The following TULP2 variants were observed in gnomAD, a reference collection of about 807,000 sequenced individuals.
TULP2 encodes TUB like protein 2, also known as tubby-related protein 2.
Under a neutral mutation model 60.3 loss-of-function variants are expected in TULP2, and 64 were observed. The ratio of observed to expected loss-of-function variants is 1.06; its 90% CI spans 0.87 to 1.31. TULP2 has a LOEUF of 1.31. Among genes scored for constraint, TULP2 ranks in the 50% most tolerant of loss-of-function variants. The pLI, the probability that TULP2 is intolerant of heterozygous loss-of-function variation, is 0.00. For missense variants in TULP2, 652 were observed against 667.0 expected (o/e 0.98, Z 0.25); for synonymous variants, 267 against 265.4 (o/e 1.01, Z -0.06).
intron 8 of TULP2, among the ~76,000 whole-genome samples, chr19:48,886,755 AG>A (rs1247025015): frequency 4.8e-5 from 7 of 147,346 alleles, no homozygotes; most frequent in Non-Finnish European, 5.9e-5. Flanking sequence ...TCAGTGAGGG[AG>A]GGTCCAGACT....
At chr19:48,896,690 C>G in intron 3 of TULP2, 134 bp from the exon 4 acceptor site, 1 of 1,079,876 alleles carries the variant, frequency 9.3e-7, no homozygotes, top group Non-Finnish European at 1.3e-6. Context: ...CCCACACGTC[C>G]AGGCCCTCAG....
At chr19:48,886,866 C>A (rs949646682) in intron 8 of TULP2, among the ~76,000 whole-genome samples, 5 of 151,798 alleles carry the variant, frequency 3.3e-5, no homozygotes, top group Admixed American at 2.0e-4. Flanking sequence ...TGGGCACCAC[C>A]AGGCCTGGCT....
chr19:48,896,294 TC>T (rs2037280413), intron 4 of TULP2, 135 bp downstream of exon 4: 1 of 1,298,892 alleles, frequency 7.7e-7, no homozygotes, highest in Non-Finnish European at 1.0e-6. Context: ...TCTAAAGCTC[TC>T]CTGGGCCAAG....
At position 48,888,101 on chromosome 19, in the gene TULP2, G is replaced by A. The variant is rs752730573; in HGVS notation, c.797C>T (p.Pro266Leu). 4.2e-5 allele frequency: 67 copies of A among 1,614,094 alleles called. No individual in the cohort carries two copies. The highest frequency in any genetic ancestry group is 1.2e-4 in the African/African-American group (9 of 74,930). Residue 266 changes from proline (P) to leucine (L), a missense_variant, in exon 8 of 13, where the codon CCT becomes CTT. Physicochemically the swap from Pro to Leu is moderately conservative, Grantham distance 98. Transcript: ENST00000221399. ...EASLAIRSPC[P>L]GLEEDMEAYV... ...GGCTTCCATGTCCTCCTCCAGCCCAGGGCAGGGGGAGCGGATTGCCAAGGA... is the reference window on the plus strand; with the variant it reads ...GGCTTCCATGTCCTCCTCCAGCCCAAGGCAGGGGGAGCGGATTGCCAAGGA...
intron 9 of TULP2, 69 bp from the exon 10 acceptor site, chr19:48,884,115 G>A (rs2037159267): frequency 2.0e-5 from 25 of 1,250,924 alleles, no homozygotes; most frequent in Non-Finnish European, 2.5e-5. Context: ...GTCACTCATC[G>A]CATCGACTCT....
At chr19:48,891,081 G>T (rs1169007532) in intron 6 of TULP2, among the ~76,000 whole-genome samples, 5 of 151,586 alleles carry the variant, frequency 3.3e-5, no homozygotes, top group Admixed American at 6.6e-5. Context: ...TTGGGAGGCC[G>T]AGGCGGGCGG....
chr19:48,887,366 C>T lies in TULP2; in HGVS notation c.948+584G>A, dbSNP rs1362398939. Reference sequence around the variant, plus strand: ...TTTATGCAGAGTCTAACTCTGTCGCCCAGGCTGGAGTGCAGTAGCGTGATC... The same window carrying T: ...TTTATGCAGAGTCTAACTCTGTCGCTCAGGCTGGAGTGCAGTAGCGTGATC... On this transcript the variant is annotated intron_variant, in intron 8 of 12. Transcript: ENST00000221399. Among the ~76,000 whole-genome samples, 34 of 110,186 alleles carry T rather than the reference C, an allele frequency of 3.1e-4. No individual in the cohort carries two copies. The Admixed American group carries it at 3.6e-3, about 12-fold the overall frequency. The allele number at this position is 110,186 out of a possible 152,430, so 72.3% of individuals were successfully genotyped here. A position where few individuals can be genotyped will look rare whatever the true frequency, so the allele number is the denominator to read the frequency against.
In TULP2 at chr19:48,897,394, A is replaced by C. The variant is rs752560813; in HGVS notation, c.35T>G (p.Ile12Ser). 1 of 1,613,572 alleles carries C rather than the reference A, an allele frequency of 6.2e-7. No individual in the cohort carries two copies. Among genetic ancestry groups the C allele is most frequent in the African/African-American group, 1.3e-5 (1 of 74,904 alleles). ...SQDNDTLMRD[I>S]LGHELAAMRL... ...CATAGCAGCGAGCTCATGCCCCAGG[A>C]TGCTGAGAGAGACACAGGCCCATGG... The change falls in exon 3 of 13, where the codon ATC becomes AGC. Residue 12 changes from isoleucine to serine, a missense_variant and splice_region_variant. Ile to Ser is a moderately radical substitution (Grantham distance 142). Coordinates refer to ENST00000221399, the MANE Select transcript of TULP2 (RefSeq NM_003323.3). The surrounding 1 kb of genome is among the most constrained non-coding windows in gnomAD (Gnocchi z 4.0).
At chr19:48,896,670 TC>T in intron 3 of TULP2, 114 bp from the exon 4 acceptor site, 1 of 1,302,218 alleles carries the variant, frequency 7.7e-7, no homozygotes. Flanking sequence ...AACCCCTTCC[TC>T]CACTGGGGCC....
intron 8 of TULP2, 65 bp downstream of exon 8, chr19:48,887,885 A>T: frequency 6.5e-7 from 1 of 1,540,472 alleles, no homozygotes; most frequent in Non-Finnish European, 8.9e-7. Flanking sequence ...TAGCTCAGAA[A>T]GGAGTGGGAT....
chr19:48,884,132 C>G, intron 9 of TULP2, 86 bp from the exon 10 acceptor site: 1 of 1,081,176 alleles, frequency 9.2e-7, no homozygotes. Flanking sequence ...CTCTTCCCAT[C>G]AATCCCCTAT....
chr19:48,887,930 G>T lies in TULP2; in HGVS notation c.948+20C>A. The T allele has an allele frequency of 1.2e-6, 2 of 1,600,644 alleles. No homozygotes were observed. Among genetic ancestry groups the T allele is most frequent in the Non-Finnish European group, 1.7e-6 (2 of 1,170,078 alleles). On this transcript the variant is annotated intron_variant, in intron 8 of 12. Transcript: ENST00000221399. ...GAGGTGGGGGCTTACTCCCAAAGCT[G>T]TTGGGCTGGCTTACTGCACCTGCAG... is the stretch of plus-strand genomic sequence containing the variant.
In TULP2 at chr19:48,885,535, C is replaced by T. The variant is rs199974267; in HGVS notation, c.974G>A (p.Arg325Lys). The change falls in exon 9 of 13, where the codon AGA becomes AAA. Residue 325 changes from arginine to lysine, a missense_variant. Arg to Lys is a conservative substitution (Grantham distance 26, BLOSUM62 2). Coordinates refer to ENST00000221399, the MANE Select transcript of TULP2 (RefSeq NM_003323.3). ...GTAATTAGAAGTTTTGCTCCTTCTT[C>T]TCTTTCGCCCAGCCAGGAGGAAGCG... ...LQRFLLAGRK[R>K]RRSKTSNYLI... 1.2e-6 allele frequency: 2 copies of T among 1,613,988 alleles called. No homozygotes were observed. Among genetic ancestry groups the T allele is most frequent in the Non-Finnish European group, 1.7e-6 (2 of 1,179,922 alleles).
Position 48,889,619 on chromosome 19 carries a change from T to A in TULP2, c.527A>T (p.Glu176Val), listed in dbSNP as rs989037453. 6 of 1,579,230 alleles carry A rather than the reference T, an allele frequency of 3.8e-6. No individual in the cohort carries two copies. The African/African-American group carries it at 5.4e-5, about 14-fold the overall frequency. Reference sequence around the variant, plus strand: ...CATATCCTGGGAGTCACTCTCACCCTCTGCACGGGTCCCTAATGTGGGGAA... The same window carrying A: ...CATATCCTGGGAGTCACTCTCACCCACTGCACGGGTCCCTAATGTGGGGAA... ...QAHQRPGTRAEGESDSQDMGD... is the reference protein window; with the variant it reads ...QAHQRPGTRAVGESDSQDMGD... Residue 176 changes from glutamate (E) to valine (V), a missense_variant, in exon 7 of 13, where the codon GAG (glutamate) becomes GTG (valine). By Grantham distance (121) the Glu-to-Val change is moderately radical. Coordinates refer to ENST00000221399, the MANE Select transcript of TULP2 (RefSeq NM_003323.3).
rs1178548675 is a variant in TULP2, at chr19:48,897,977, T to TTATTTATTTATTTATG, written c.-1-109_-1-108insCATAAATAAATAAATA. The stretch of plus-strand genomic sequence containing the variant: ...TTTATTTATTTATTTATTTATTTAT[T>TTATTTATTTATTTATG]TATGTATTTAGAGACAGCTGAGCCT... On this transcript the variant is annotated intron_variant, in intron 1 of 12. Coordinates refer to ENST00000221399, the MANE Select transcript of TULP2 (RefSeq NM_003323.3). This position sits in a 1 kb window ranked among gnomAD's most constrained non-coding sequence, Gnocchi z 4.0. 1 of 867,230 alleles carries TTATTTATTTATTTATG rather than the reference T, an allele frequency of 1.2e-6. No individual in the cohort carries two copies. Among genetic ancestry groups the TTATTTATTTATTTATG allele is most frequent in the Non-Finnish European group, 1.5e-6 (1 of 652,052 alleles). 53.7% of individuals were successfully genotyped at this position (867,230 alleles called of 1,614,324 possible). A position where few individuals can be genotyped will look rare whatever the true frequency, so the allele number is the denominator to read the frequency against.
chr19:48,890,821 G>C (rs1051599635), intron 6 of TULP2, among the ~76,000 whole-genome samples: 2 of 152,144 alleles, frequency 1.3e-5, no homozygotes, highest in African/African-American at 4.8e-5. Flanking sequence ...ACAGGGAGGG[G>C]TTAGGGTCTT....
At chr19:48,881,817 C>T (rs961682881) in intron 12 of TULP2, among the ~76,000 whole-genome samples, 4 of 152,106 alleles carry the variant, frequency 2.6e-5, no homozygotes, top group Non-Finnish European at 5.9e-5. Context: ...CGCGCCAGGC[C>T]GAGAATGGAG....
Position 48,881,376 on chromosome 19 carries a change from A to ATTTT in TULP2, c.1448-254_1448-251dup, listed in dbSNP as rs72139613. Reference sequence around the variant, plus strand: ...AGGCATGTGCCACCACGTCCGGCTAATTTTTTTTTTTTTTTTTTTTTTTGA... The same window carrying ATTTT: ...AGGCATGTGCCACCACGTCCGGCTAATTTTTTTTTTTTTTTTTTTTTTTTTTTGA... On this transcript the variant is annotated intron_variant, in intron 12 of 12. Transcript: ENST00000221399. Among the ~76,000 whole-genome samples the ATTTT allele has an allele frequency of 1.5e-4, 14 of 90,454 alleles. No homozygotes were observed. The South Asian group carries it at 1.8e-3, about 11-fold the overall frequency. 59.3% of individuals were successfully genotyped at this position (90,454 alleles called of 152,430 possible). A position where few individuals can be genotyped will look rare whatever the true frequency, so the allele number is the denominator to read the frequency against.
At chr19:48,896,944 C>T (rs1177203778) in intron 3 of TULP2, among the ~76,000 whole-genome samples, 1 of 151,454 alleles carries the variant, frequency 6.6e-6, no homozygotes, top group Non-Finnish European at 1.5e-5. Flanking sequence ...GGCTGGAGTG[C>T]AGTACCACGA....
Sources: gnomAD v4.1 joint callset for allele counts (sites outside exome capture counted in the v4.1 genomes callset) on GRCh38, gnomAD v4.1.1 for gene constraint, Gnocchi (gnomAD v3.1) non-coding constraint, MANE v1.5 for transcripts, NCBI Gene and HGNC (gene_info 2026-07-23, HGNC 2026-07-21) for gene names.